COL28A1: variants seen among roughly 807,000 people sequenced by gnomAD.
COL28A1 encodes the protein collagen type XXVIII alpha 1 chain.
A neutral mutation model predicts 150.2 loss-of-function variants in COL28A1; 161 were observed. The observed-to-expected ratio is 1.07, with a 90% CI of 0.94 to 1.22. COL28A1 has a LOEUF of 1.22. COL28A1 is among the 50% of genes most tolerant of loss of function. The pLI is 0.00. For missense variants in COL28A1, 1,617 were observed against 1,388.3 expected, an observed-to-expected ratio of 1.16 and a Z score of -2.62; for synonymous variants, 552 against 469.7, an observed-to-expected ratio of 1.18 and a Z score of -2.26.
rs751481113 is a variant in COL28A1, at chr7:7,437,401, C to A, written c.1784G>T (p.Gly595Val). 10 of 1,612,998 alleles carry A rather than the reference C, an allele frequency of 6.2e-6. No individual in the cohort carries two copies. Among genetic ancestry groups the A allele is most frequent in the Non-Finnish European group, 7.6e-6 (9 of 1,179,724 alleles). Residue 595 changes from glycine to valine, a missense_variant, in exon 22 of 35, where the codon GGG (glycine) becomes GTG (valine). Transcript: ENST00000399429. ...ATCTCCAAGAATATATACCTTTGGC[C>A]CAGGTGGTCCAGGAATTGATGTTCC... ...MPGTSIPGPP[G>V]PKGDRGGPGI... is the part of the protein sequence containing the mutation.
chr7:7,520,903 C>A (rs1781687435), intron 5 of COL28A1, among the ~76,000 whole-genome samples: 1 of 152,156 alleles, frequency 6.6e-6, no homozygotes, highest in Admixed American at 6.5e-5. Flanking sequence ...CCAAAGTCAG[C>A]TTCTACTGGC....
At chr7:7,460,237 G>A (rs1787499883) in intron 15 of COL28A1, among the ~76,000 whole-genome samples, 1 of 152,196 alleles carries the variant, frequency 6.6e-6, no homozygotes, top group Non-Finnish European at 1.5e-5. Flanking sequence ...ACTCTGGATG[G>A]ATTCCTGTTG....
At chr7:7,345,030 C>T in the COL28A1 span, among the ~76,000 whole-genome samples, 5 of 151,658 alleles carry the variant, frequency 3.3e-5, no homozygotes. Context: ...ACACCCCTTT[C>T]GCCTGAAGAG....
the COL28A1 span, among the ~76,000 whole-genome samples, chr7:7,341,757 T>C: frequency 4.7e-3 from 714 of 152,292 alleles, 6 homozygotes; most frequent in South Asian, 0.016. Flanking sequence ...TGAGGATATT[T>C]TAGTGAACTT....
At chr7:7,499,954 G>C (rs1780431976) in intron 11 of COL28A1, among the ~76,000 whole-genome samples, 1 of 152,096 alleles carries the variant, frequency 6.6e-6, no homozygotes, top group Non-Finnish European at 1.5e-5. Flanking sequence ...ACACAAGAAA[G>C]TGTAAAAAAT....
At chr7:7,345,154 A>G in the COL28A1 span, among the ~76,000 whole-genome samples, 1 of 152,222 alleles carries the variant, frequency 6.6e-6, no homozygotes, top group South Asian at 2.1e-4. Flanking sequence ...TAATAAAGTA[A>G]CTAGAAACAG....
intron 31 of COL28A1, among the ~76,000 whole-genome samples, chr7:7,374,002 TC>T (rs1201138793): frequency 7.2e-6 from 1 of 139,108 alleles, no homozygotes; most frequent in Non-Finnish European, 1.5e-5. Flanking sequence ...CCCGGCCCCT[TC>T]TGGTTTCTAT....
chr7:7,349,927 A>C, the COL28A1 span, among the ~76,000 whole-genome samples: 2 of 152,142 alleles, frequency 1.3e-5, no homozygotes, highest in Non-Finnish European at 1.5e-5. Flanking sequence ...AAAGAAGCAA[A>C]TAGTTCAGTG....
At position 7,529,264 on chromosome 7, in the gene COL28A1, G is replaced by A. The variant is rs370853790; in HGVS notation, c.681+2084C>T. On this transcript the variant is annotated intron_variant, in intron 3 of 34. Coordinates refer to ENST00000399429, the MANE Select transcript of COL28A1 (RefSeq NM_001037763.3). ...AGATCGTGCCACTGCACTCCAGCCT[G>A]GGTGACAGGAGCAAAACTCTGTCTC... is the stretch of plus-strand genomic sequence containing the variant. Among the ~76,000 whole-genome samples the A allele has an allele frequency of 4.1e-5, 6 of 146,890 alleles. No homozygotes were observed. The South Asian group carries it at 6.7e-4, about 16-fold the overall frequency.
Position 7,364,514 on chromosome 7 carries a change from G to A in COL28A1, c.3067-3986C>T, listed in dbSNP as rs572036701. 8.5e-5 allele frequency among the ~76,000 whole-genome samples: 13 copies of A among 152,146 alleles called. 2 individuals carry two copies. Among genetic ancestry groups the A allele is most frequent in the African/African-American group, 2.2e-4 (9 of 41,510 alleles). Reference sequence around the variant, plus strand: ...CTGTAGAAAGTCCTTTCCCATTGTCGTCACTCCTCTAAGCTCTATTGTTCT... The same window carrying A: ...CTGTAGAAAGTCCTTTCCCATTGTCATCACTCCTCTAAGCTCTATTGTTCT... On this transcript the variant is annotated intron_variant, in intron 33 of 34. Coordinates refer to ENST00000399429, the MANE Select transcript of COL28A1 (RefSeq NM_001037763.3).
intron 13 of COL28A1, among the ~76,000 whole-genome samples, chr7:7,477,852 G>A (rs1204362021): frequency 6.6e-6 from 1 of 152,170 alleles, no homozygotes; most frequent in Non-Finnish European, 1.5e-5. Flanking sequence ...ACTTCCTGCT[G>A]ATTGGTCCAT....
chr7:7,524,228 C>T lies in COL28A1; in HGVS notation c.702+1G>A. 7.5e-7 allele frequency: 1 copy of T among 1,328,980 alleles called. No homozygotes were observed. Among genetic ancestry groups the T allele is most frequent in the Non-Finnish European group, 1.1e-6 (1 of 919,958 alleles). The allele number at this position is 1,328,980 out of a possible 1,614,324, so 82.3% of individuals were successfully genotyped here. On this transcript the variant is annotated splice_donor_variant, in intron 4 of 34. Transcript: ENST00000399429. LOFTEE classifies it high-confidence loss of function. ...TAGTAATCAAAGCATGTGGTGCTTACCTTCTTTTCAAATAAGATATCCTAC... is the reference window on the plus strand; with the variant it reads ...TAGTAATCAAAGCATGTGGTGCTTATCTTCTTTTCAAATAAGATATCCTAC...
chr7:7,389,503 A>G (rs1380009890), intron 27 of COL28A1, among the ~76,000 whole-genome samples: 1 of 152,070 alleles, frequency 6.6e-6, no homozygotes, highest in Non-Finnish European at 1.5e-5. Context: ...TCCATAAGAT[A>G]TTTAAAGTAG....
At chr7:7,341,917 C>T in the COL28A1 span, among the ~76,000 whole-genome samples, 219 of 152,082 alleles carry the variant, frequency 1.4e-3, no homozygotes, top group African/African-American at 4.8e-3. Flanking sequence ...AATATATATT[C>T]TGCAGCTGTT....
intron 30 of COL28A1, among the ~76,000 whole-genome samples, chr7:7,377,797 A>G (rs1000771663): frequency 2.5e-5 from 3 of 118,602 alleles, no homozygotes; most frequent in African/African-American, 6.9e-5. Flanking sequence ...AGGTTCCTCA[A>G]TAATTCACGC....
At chr7:7,533,345 T>C (rs1782474884) in intron 1 of COL28A1, among the ~76,000 whole-genome samples, 1 of 152,140 alleles carries the variant, frequency 6.6e-6, no homozygotes, top group African/African-American at 2.4e-5. Flanking sequence ...CTGACAAATC[T>C]AGTATTTTGT....
chr7:7,535,298 T>G (rs1276081851), intron 1 of COL28A1, among the ~76,000 whole-genome samples: 1 of 152,152 alleles, frequency 6.6e-6, no homozygotes, highest in Non-Finnish European at 1.5e-5. Context: ...TTTTATAATT[T>G]TTCAAAAATA....
chr7:7,446,909 C>A (rs1364160705), intron 18 of COL28A1, among the ~76,000 whole-genome samples: 1 of 152,148 alleles, frequency 6.6e-6, no homozygotes, highest in African/African-American at 2.4e-5. Flanking sequence ...TGCTGAGCAT[C>A]CATCTTGAGT....
chr7:7,450,355 A>G (rs1289628381), intron 18 of COL28A1, among the ~76,000 whole-genome samples: 1 of 152,240 alleles, frequency 6.6e-6, no homozygotes, highest in Non-Finnish European at 1.5e-5. Context: ...TCTCAGGTCA[A>G]GAAATGTTTT....
Sources: allele counts gnomAD v4.1 joint callset (sites outside exome capture counted in the v4.1 genomes callset), GRCh38; gene constraint gnomAD v4.1.1; transcripts MANE v1.5; gene names NCBI Gene and HGNC (gene_info 2026-07-23, HGNC 2026-07-21).